LTBP1: variants seen among roughly 807,000 people sequenced by gnomAD.
LTBP1 encodes the protein latent transforming growth factor beta binding protein 1.
In LTBP1, 129 loss-of-function variants were observed where a neutral mutation model predicts 207.6. That is an observed-to-expected ratio of 0.62 (90% confidence interval 0.54 to 0.72). The LOEUF (loss-of-function observed/expected upper bound fraction) is 0.72, where lower values mean the gene tolerates loss of function less well. Ranked by LOEUF, LTBP1 falls within the 30% of genes least tolerant of loss-of-function variation. The pLI, the probability that LTBP1 is intolerant of heterozygous loss-of-function variation, is 0.00. For missense variants in LTBP1, 2,281 were observed against 2,217.2 expected (o/e 1.03, Z -0.58); for synonymous variants, 963 against 833.7 (o/e 1.16, Z -2.67).
intron 7 of LTBP1, among the ~76,000 whole-genome samples, chr2:33,194,965 T>C (rs886905497): frequency 5.3e-5 from 8 of 152,214 alleles, no homozygotes; most frequent in Admixed American, 1.3e-4. Context: ...CTGTGCTATA[T>C]AAAGAGAATA....
rs961602983 is a variant in LTBP1, at chr2:32,964,446, T to C, written c.565+15501T>C. 3.9e-5 allele frequency among the ~76,000 whole-genome samples: 6 copies of C among 152,190 alleles called. No individual in the cohort carries two copies. The East Asian group carries it at 1.2e-3, about 29-fold the overall frequency. ...AATCAGGTCTTTTAAAAATTACTTG[T>C]TTCTCTCCAAGTAGAAAGGCATTTT... On this transcript the variant is annotated intron_variant, in intron 2 of 33. Coordinates refer to ENST00000404816, the MANE Select transcript of LTBP1 (RefSeq NM_206943.4).
At chr2:33,238,446 C>G (rs2092154603) in intron 9 of LTBP1, among the ~76,000 whole-genome samples, 1 of 152,140 alleles carries the variant, frequency 6.6e-6, no homozygotes, top group African/African-American at 2.4e-5. Context: ...ATATTATGCA[C>G]CAAATGTCAT....
At chr2:33,256,163 T>A (rs2092844629) in intron 11 of LTBP1, among the ~76,000 whole-genome samples, 1 of 152,124 alleles carries the variant, frequency 6.6e-6, no homozygotes, top group Non-Finnish European at 1.5e-5. Flanking sequence ...CTCCTTGGCC[T>A]CTGGGTAGTT....
intron 9 of LTBP1, among the ~76,000 whole-genome samples, chr2:33,236,931 G>A (rs2092079832): frequency 6.6e-6 from 1 of 152,194 alleles, no homozygotes; most frequent in Admixed American, 6.5e-5. Context: ...GAATTGGAAG[G>A]AAAGGAGTTG....
rs901249688 is a variant in LTBP1 at position 32,986,029 on chromosome 2, G to A, written c.566-34880G>A. ...CCTATCAATTGCAAGTACAAAAAAT[G>A]TTCCTTTTATCTCTCCTGTGCCTAG... On this transcript the variant is annotated intron_variant, in intron 2 of 33. Transcript: ENST00000404816. 2.6e-5 allele frequency among the ~76,000 whole-genome samples: 4 copies of A among 152,122 alleles called. No homozygotes were observed. The East Asian group carries it at 5.8e-4, about 22-fold the overall frequency.
At chr2:33,251,955 G>A (rs1392936215) in intron 10 of LTBP1, among the ~76,000 whole-genome samples, 4 of 152,194 alleles carry the variant, frequency 2.6e-5, no homozygotes, top group African/African-American at 9.7e-5. Flanking sequence ...TAGCTGTTAG[G>A]TTGATGAACT....
intron 10 of LTBP1, among the ~76,000 whole-genome samples, chr2:33,245,311 C>T (rs2092473845): frequency 6.6e-6 from 1 of 152,156 alleles, no homozygotes. Context: ...AAGCTTATCT[C>T]TCTTAACTCT....
intron 24 of LTBP1, among the ~76,000 whole-genome samples, chr2:33,321,812 G>A (rs1296791511): frequency 6.6e-6 from 1 of 152,156 alleles, no homozygotes; most frequent in African/African-American, 2.4e-5. Flanking sequence ...TTAGTAGAGA[G>A]AATTTTAACA....
intron 3 of LTBP1, among the ~76,000 whole-genome samples, chr2:33,107,447 G>T (rs1329725394): frequency 6.6e-6 from 1 of 151,936 alleles, no homozygotes; most frequent in African/African-American, 2.4e-5. Context: ...TTATTAAGCT[G>T]TGTAGAACAG....
intron 3 of LTBP1, among the ~76,000 whole-genome samples, chr2:33,107,178 G>C (rs189866899): frequency 6.6e-5 from 10 of 152,208 alleles, no homozygotes; most frequent in African/African-American, 2.4e-4. Context: ...CCTGCACATC[G>C]TAAGGGTAAA....
In LTBP1 at chr2:33,322,789, T is replaced by C. The variant is rs151293392; in HGVS notation, c.3730+7520T>C. ...TTACCTCTTGCCTCCTGTAGGTCCG[T>C]ATTTAAATGCTGTTTCCTTAGTGAA... On this transcript the variant is annotated intron_variant, in intron 24 of 33. Transcript: ENST00000404816. Among the ~76,000 whole-genome samples the C allele has an allele frequency of 2.6e-5, 4 of 152,370 alleles. No individual in the cohort carries two copies. In the East Asian group the frequency reaches 5.8e-4, roughly 22 times the overall value.
At chr2:33,287,725 C>G (rs1475929911) in intron 19 of LTBP1, among the ~76,000 whole-genome samples, 1 of 152,200 alleles carries the variant, frequency 6.6e-6, no homozygotes, top group Non-Finnish European at 1.5e-5. Flanking sequence ...TCTGCAAAGC[C>G]GTGATGATTC....
intron 5 of LTBP1, among the ~76,000 whole-genome samples, chr2:33,183,193 G>C (rs939655758): frequency 6.6e-6 from 1 of 152,154 alleles, no homozygotes; most frequent in Non-Finnish European, 1.5e-5. Context: ...TCTTCATCCT[G>C]TTCATTACAG....
intron 3 of LTBP1, among the ~76,000 whole-genome samples, chr2:33,054,202 C>T (rs1030322114): frequency 1.3e-5 from 2 of 152,192 alleles, no homozygotes; most frequent in Non-Finnish European, 2.9e-5. Context: ...TAAGATCTTG[C>T]ACTAGTCTCC....
chr2:33,255,296 CA>C (rs2092819051), intron 11 of LTBP1, among the ~76,000 whole-genome samples: 2 of 152,110 alleles, frequency 1.3e-5, no homozygotes, highest in Admixed American at 1.3e-4. Context: ...CATCTCACAC[CA>C]GTTAGAATGG....
chr2:33,127,330 C>G (rs530866921), intron 4 of LTBP1, among the ~76,000 whole-genome samples: 52 of 152,270 alleles, frequency 3.4e-4, no homozygotes, highest in Non-Finnish European at 5.9e-4. Context: ...CCCAAGCCCT[C>G]TTTATGAAGA....
At chr2:33,035,839 A>C (rs1044658780) in intron 3 of LTBP1, among the ~76,000 whole-genome samples, 5 of 152,234 alleles carry the variant, frequency 3.3e-5, no homozygotes, top group Non-Finnish European at 1.5e-5. Context: ...AAAGGATAGT[A>C]ATAAAAAAAC....
At position 33,315,286 on chromosome 2, in the gene LTBP1, G is replaced by A. The variant is rs550277178; in HGVS notation, c.3730+17G>A. 7 of 1,609,270 alleles carry A rather than the reference G, an allele frequency of 4.3e-6. No individual in the cohort carries two copies. The highest frequency in any genetic ancestry group is 4.5e-5 in the East Asian group (2 of 44,852). On this transcript the variant is annotated intron_variant, in intron 24 of 33. Coordinates refer to ENST00000404816, the MANE Select transcript of LTBP1 (RefSeq NM_206943.4). ...CGTGTGAAGGTAAGATAAACCATAC[G>A]AAATCATATTGTTGTGTGATAAAAG...
At chr2:33,295,169 A>C (rs988268298) in intron 20 of LTBP1, among the ~76,000 whole-genome samples, 1 of 152,044 alleles carries the variant, frequency 6.6e-6, no homozygotes, top group Non-Finnish European at 1.5e-5. Context: ...TAAAATTTCC[A>C]TTAATATCAT....
Sources: allele counts gnomAD v4.1 joint callset (sites outside exome capture counted in the v4.1 genomes callset), GRCh38; gene constraint gnomAD v4.1.1; transcripts MANE v1.5; gene names NCBI Gene and HGNC (gene_info 2026-07-23, HGNC 2026-07-21).